Variants in FRMPD2 observed in about 807,000 individuals in gnomAD.
FRMPD2 encodes FERM and PDZ domain-containing protein 2.
FRMPD2 carries 96 observed loss-of-function variants against 140.1 expected under a neutral mutation model. That is an observed-to-expected ratio of 0.69 (90% CI 0.58 to 0.81). FRMPD2 has a LOEUF of 0.81. Among genes scored for constraint, FRMPD2 ranks in the 40% least tolerant of loss-of-function variants. FRMPD2 has a pLI of 0.00. For synonymous variants in FRMPD2, 449 were observed against 547.6 expected (o/e 0.82, Z 2.52); for missense variants, 1,240 against 1,447.4 (o/e 0.86, Z 2.32).
rs144532981 is a variant in FRMPD2 at position 48,185,605 on chromosome 10, C to T, written c.2307G>A (p.Pro769=). 1.4e-5 allele frequency: 22 copies of T among 1,614,086 alleles called. No homozygotes were observed. The highest frequency in any genetic ancestry group is 1.6e-4 in the Middle Eastern group (1 of 6,062). Residue 769 remains proline (P), a synonymous_variant, in exon 18 of 29, where the codon CCG becomes CCA. Coordinates refer to ENST00000374201, the MANE Select transcript of FRMPD2 (RefSeq NM_001018071.4). ...GTGTCACACGTACAATTTCTCGGCCCGGTTCAGCTATAAAGCTCTTCCTCC... is the reference window on the plus strand; with the variant it reads ...GTGTCACACGTACAATTTCTCGGCCTGGTTCAGCTATAAAGCTCTTCCTCC... ...NNRRKSFIAE[P]GREIVRVTLK...
intron 28 of FRMPD2, among the ~76,000 whole-genome samples, chr10:48,159,898 C>T (rs722138): frequency 2.0e-5 from 3 of 151,498 alleles, no homozygotes; most frequent in African/African-American, 4.9e-5. Context: ...CTTTCATCCT[C>T]TCAATCTGTC....
At chr10:48,262,741 C>G (rs1840615435) in intron 1 of FRMPD2, among the ~76,000 whole-genome samples, 1 of 152,032 alleles carries the variant, frequency 6.6e-6, no homozygotes, top group Admixed American at 6.6e-5. Context: ...ACATTTTGGG[C>G]CATAAACTTT....
rs1441381466 is a variant in FRMPD2 at position 48,211,943 on chromosome 10, G to A, written c.1611+11C>T. 14 of 1,611,886 alleles carry A rather than the reference G, an allele frequency of 8.7e-6. No homozygotes were observed. The highest frequency in any genetic ancestry group is 1.2e-5 in the Non-Finnish European group (14 of 1,179,136). On this transcript the variant is annotated intron_variant, in intron 13 of 28. Transcript: ENST00000374201. Reference sequence around the variant, plus strand: ...AGACCAACACCTCTCTCCAGGTCAGGAAGGCCTTACCCTCAAGAACTTCAG... The same window carrying A: ...AGACCAACACCTCTCTCCAGGTCAGAAAGGCCTTACCCTCAAGAACTTCAG...
intron 5 of FRMPD2, among the ~76,000 whole-genome samples, chr10:48,241,849 A>G (rs1044998116): frequency 6.6e-6 from 1 of 152,192 alleles, no homozygotes; most frequent in African/African-American, 2.4e-5. Flanking sequence ...GGTTCTAAAC[A>G]TTATTGCTTT....
intron 22 of FRMPD2, chr10:48,176,456 G>A (rs1838412012): frequency 6.5e-6 from 1 of 154,578 alleles, no homozygotes; most frequent in African/African-American, 2.4e-5. Flanking sequence ...AGCTATATTT[G>A]GCCAAGCTGG....
At chr10:48,174,718 G>A in intron 24 of FRMPD2, 152 bp downstream of exon 24, 1 of 660,748 alleles carries the variant, frequency 1.5e-6, no homozygotes, top group Non-Finnish European at 2.8e-6. Flanking sequence ...GAAAAGTGAG[G>A]GTAAGAAGAA....
Position 48,232,163 on chromosome 10 carries a change from AG to A in FRMPD2, c.1119del (p.Phe374LeufsTer15). 6.2e-7 allele frequency: 1 copy of A among 1,614,214 alleles called. No individual in the cohort carries two copies. Among genetic ancestry groups the A allele is most frequent in the Non-Finnish European group, 8.5e-7 (1 of 1,180,040 alleles). The stretch of plus-strand genomic sequence containing the variant: ...TAGGTGAGTTCCTCGAGGTTGGCAA[AG>A]GATGTCACGGCATTGAAGACAGCTC... ...TVGAVFNAVT[S>X]FANLEELTYF... On this transcript the variant is annotated frameshift_variant, in exon 10 of 29. Coordinates refer to ENST00000374201, the MANE Select transcript of FRMPD2 (RefSeq NM_001018071.4). LOFTEE classifies it high-confidence loss of function.
intron 1 of FRMPD2, among the ~76,000 whole-genome samples, chr10:48,260,305 T>C (rs1840563014): frequency 1.3e-5 from 2 of 151,964 alleles, no homozygotes; most frequent in South Asian, 2.1e-4. Context: ...ACCCAGGAAA[T>C]GCAATGGTAT....
intron 10 of FRMPD2, among the ~76,000 whole-genome samples, chr10:48,224,958 G>C (rs78525835): frequency 0.014 from 2,190 of 152,332 alleles, 50 homozygotes; most frequent in African/African-American, 0.048. Flanking sequence ...ATTTGTGAGA[G>C]AGATCTTTAG....
chr10:48,248,340 A>C (rs1840299950), intron 3 of FRMPD2, among the ~76,000 whole-genome samples: 1 of 152,176 alleles, frequency 6.6e-6, no homozygotes. Context: ...GAAAAACCAA[A>C]AACCTCCACT....
chr10:48,187,197 T>C lies in FRMPD2; in HGVS notation c.2261A>G (p.His754Arg). ...SLSGPPVQSM[H>R]AGSKNNRRKS... is the part of the protein sequence containing the mutation. ...GGTCGTGGCCTGGCCCATACCTGCA[T>C]GCATGCTCTGAACAGGTGGTCCAGA... The change falls in exon 17 of 29, where the codon CAT becomes CGT. Residue 754 changes from histidine (H) to arginine (R), a missense_variant. His to Arg is a conservative substitution (Grantham distance 29, BLOSUM62 0). This residue lies in a region of FRMPD2 where 1,161 missense variants were observed against 1,055.9 expected (regional missense o/e 1.10). Transcript: ENST00000374201. 6.2e-7 allele frequency: 1 copy of C among 1,613,162 alleles called. No individual in the cohort carries two copies.
chr10:48,237,537 G>T (rs1044691053), intron 8 of FRMPD2, among the ~76,000 whole-genome samples: 1 of 152,068 alleles, frequency 6.6e-6, no homozygotes, highest in Admixed American at 6.5e-5. Flanking sequence ...GGCACATTCC[G>T]CCTAACCCTA....
chr10:48,268,034 A>G (rs1277320088), intron 1 of FRMPD2, among the ~76,000 whole-genome samples: 1 of 152,264 alleles, frequency 6.6e-6, no homozygotes, highest in Non-Finnish European at 1.5e-5. Flanking sequence ...TCAAAACTTA[A>G]CAGCAGAAAG....
chr10:48,162,066 T>C (rs1168335761), intron 28 of FRMPD2, among the ~76,000 whole-genome samples: 4 of 151,056 alleles, frequency 2.6e-5, no homozygotes, highest in Non-Finnish European at 4.4e-5. Flanking sequence ...ATATGTCCTT[T>C]AAGATCATGG....
intron 15 of FRMPD2, among the ~76,000 whole-genome samples, chr10:48,197,869 C>T (rs1342225000): frequency 6.6e-6 from 1 of 152,192 alleles, no homozygotes; most frequent in African/African-American, 2.4e-5. Flanking sequence ...AGGCCCACCA[C>T]CAAGCAGCCA....
intron 1 of FRMPD2, among the ~76,000 whole-genome samples, chr10:48,265,331 A>C (rs574437936): frequency 1.5e-4 from 23 of 152,336 alleles, no homozygotes; most frequent in African/African-American, 5.5e-4. Context: ...CGATGATGTC[A>C]AAAGCAATTG....
At chr10:48,271,400 C>A (rs1840763070) in intron 1 of FRMPD2, among the ~76,000 whole-genome samples, 1 of 152,188 alleles carries the variant, frequency 6.6e-6, no homozygotes, top group African/African-American at 2.4e-5. Context: ...ATGTCTAATA[C>A]ATTTACTCTC....
intron 13 of FRMPD2, among the ~76,000 whole-genome samples, chr10:48,210,357 T>C (rs762588797): frequency 1.3e-5 from 2 of 152,158 alleles, no homozygotes. Flanking sequence ...TTTCTGTGAA[T>C]GGGGAAAAAA....
intron 21 of FRMPD2, among the ~76,000 whole-genome samples, chr10:48,180,588 C>T (rs1320869267): frequency 6.6e-6 from 1 of 151,910 alleles, no homozygotes; most frequent in Non-Finnish European, 1.5e-5. Flanking sequence ...TGTCCTAGAA[C>T]TCTGCCTTCT....
Sources: allele counts gnomAD v4.1 joint callset (sites outside exome capture counted in the v4.1 genomes callset), GRCh38; gene constraint gnomAD v4.1.1; regional missense constraint gnomAD v4.1.1; transcripts MANE v1.5; gene names NCBI Gene and HGNC (gene_info 2026-07-23, HGNC 2026-07-21).